Variants in TACC1 observed in about 807,000 individuals in gnomAD.
The protein encoded by TACC1 is transforming acidic coiled-coil-containing protein 1.
TACC1 carries 48 observed loss-of-function variants against 84.4 expected under a neutral mutation model. That is an observed-to-expected ratio of 0.57 (90% CI 0.45 to 0.72). TACC1 has a LOEUF of 0.72. Ranked by LOEUF, TACC1 falls within the 30% of genes least tolerant of loss-of-function variation. TACC1 has a pLI of 0.00. For missense variants in TACC1, 920 were observed against 973.0 expected (o/e 0.95, Z 0.72); for synonymous variants, 372 against 376.3 (o/e 0.99, Z 0.13).
intron 3 of TACC1, among the ~76,000 whole-genome samples, chr8:38,777,153 G>C (rs1814965511): frequency 6.6e-6 from 1 of 151,968 alleles, no homozygotes; most frequent in African/African-American, 2.4e-5. Context: ...CCACTCTGGA[G>C]GCTGAGACAG....
intron 3 of TACC1, among the ~76,000 whole-genome samples, chr8:38,752,686 AG>A (rs1809267475): frequency 6.6e-6 from 1 of 152,102 alleles, no homozygotes; most frequent in Non-Finnish European, 1.5e-5. Flanking sequence ...CTAACAAATA[AG>A]GGCTGCCTCC....
exon 2 of TACC1, chr8:38,742,380 C>T: frequency 1.3e-6 from 2 of 1,494,338 alleles, no homozygotes; most frequent in Non-Finnish European, 1.8e-6. Flanking sequence ...AGAGAGAGGT[C>T]CTGGTCTTGA....
rs1286002193 is a variant in TACC1, at chr8:38,775,012, A to G, written c.27-13692A>G. On this transcript the variant is annotated intron_variant, in intron 3 of 14. Transcript: ENST00000518415. ...GGTGACACGGTGAGACTCCGTCTCA[A>G]AAAAAAAAAAAAAAAAATGAAAACC... Among the ~76,000 whole-genome samples, 5 of 146,664 alleles carry G rather than the reference A, an allele frequency of 3.4e-5. No homozygotes were observed. In the South Asian group the frequency reaches 1.1e-3, roughly 31 times the overall value.
chr8:38,777,026 C>T (rs534548117), intron 3 of TACC1, among the ~76,000 whole-genome samples: 1 of 152,178 alleles, frequency 6.6e-6, no homozygotes, highest in African/African-American at 2.4e-5. Context: ...GAGGCTGAGG[C>T]AGGCGGACCA....
At chr8:38,818,184 C>G (rs1476846845) in intron 2 of TACC1, among the ~76,000 whole-genome samples, 1 of 143,788 alleles carries the variant, frequency 7.0e-6, no homozygotes, top group Non-Finnish European at 1.5e-5. Context: ...TGCAGTGAGC[C>G]ATGATCAGGC....
chr8:38,794,108 A>G (rs568095289), intron 2 of TACC1, among the ~76,000 whole-genome samples: 20 of 152,292 alleles, frequency 1.3e-4, no homozygotes, highest in African/African-American at 4.3e-4. Context: ...TCATATTTGC[A>G]AAGGGGAAGT....
chr8:38,837,497 C>T (rs575121780), intron 7 of TACC1, among the ~76,000 whole-genome samples: 1 of 152,284 alleles, frequency 6.6e-6, no homozygotes, highest in Admixed American at 6.5e-5. Flanking sequence ...ACAATTATAG[C>T]TCATTGCAGC....
At chr8:38,801,128 T>A (rs1667098286) in intron 2 of TACC1, among the ~76,000 whole-genome samples, 1 of 152,212 alleles carries the variant, frequency 6.6e-6, no homozygotes, top group Non-Finnish European at 1.5e-5. Flanking sequence ...AAGTTATATA[T>A]TCTAGATGCA....
intron 3 of TACC1, 25 bp from the exon 4 acceptor site, chr8:38,825,283 T>A: frequency 6.2e-7 from 1 of 1,613,714 alleles, no homozygotes; most frequent in South Asian, 1.1e-5. Context: ...GCAAACTGGC[T>A]TGTTTGTGTT....
At chr8:38,773,573 G>GCTATCTATCTAT (rs1563381430) in intron 3 of TACC1, among the ~76,000 whole-genome samples, 1 of 116,406 alleles carries the variant, frequency 8.6e-6, no homozygotes, top group Non-Finnish European at 2.1e-5. Flanking sequence ...TATCTATCTA[G>GCTATCTATCTAT]CTAGCTATCT....
chr8:38,791,719 C>T (rs1377870850), intron 2 of TACC1, among the ~76,000 whole-genome samples: 2 of 152,010 alleles, frequency 1.3e-5, no homozygotes, highest in Admixed American at 6.6e-5. Flanking sequence ...ATGGTTGGAC[C>T]GCAGTTATAA....
At chr8:38,825,811 T>A (rs36029398) in intron 4 of TACC1, among the ~76,000 whole-genome samples, 1 of 152,234 alleles carries the variant, frequency 6.6e-6, no homozygotes, top group East Asian at 1.9e-4. Flanking sequence ...GATGGTAGAT[T>A]TTTTTGGGCA....
chr8:38,840,710 G>T, intron 9 of TACC1: 1 of 154,610 alleles, frequency 6.5e-6, no homozygotes, highest in South Asian at 2.0e-4. Flanking sequence ...ATTCGTGGGA[G>T]GTATGTTCTG....
At chr8:38,811,783 G>A (rs1824215090) in intron 2 of TACC1, among the ~76,000 whole-genome samples, 1 of 152,176 alleles carries the variant, frequency 6.6e-6, no homozygotes, top group Non-Finnish European at 1.5e-5. Context: ...CAGAATAACA[G>A]CGATTTTCCG....
At chr8:38,734,158 G>A (rs1397253654) in intron 1 of TACC1, among the ~76,000 whole-genome samples, 1 of 152,102 alleles carries the variant, frequency 6.6e-6, no homozygotes, top group East Asian at 1.9e-4. Context: ...AGGCAATGAA[G>A]ATACCAGATA....
At chr8:38,775,146 T>TGA (rs1814572746) in intron 3 of TACC1, among the ~76,000 whole-genome samples, 1 of 152,202 alleles carries the variant, frequency 6.6e-6, no homozygotes, top group Non-Finnish European at 1.5e-5. Flanking sequence ...CATATCTCTA[T>TGA]TATACATACC....
At chr8:38,734,019 T>C (rs1805484974) in intron 1 of TACC1, among the ~76,000 whole-genome samples, 1 of 151,998 alleles carries the variant, frequency 6.6e-6, no homozygotes, top group Non-Finnish European at 1.5e-5. Flanking sequence ...TTGCGCAGGG[T>C]CCTAGTTTAA....
At chr8:38,743,399 G>T (rs1807464120) in intron 2 of TACC1, among the ~76,000 whole-genome samples, 1 of 152,314 alleles carries the variant, frequency 6.6e-6, no homozygotes, top group Non-Finnish European at 1.5e-5. Flanking sequence ...ATGTATTTGG[G>T]ACAGGGGATG....
intron 3 of TACC1, among the ~76,000 whole-genome samples, chr8:38,772,408 T>G (rs1813814834): frequency 6.6e-6 from 1 of 152,244 alleles, no homozygotes; most frequent in Non-Finnish European, 1.5e-5. Flanking sequence ...TGTGAAAAGA[T>G]GCATATGCAT....
Sources: gnomAD v4.1 joint callset for allele counts (sites outside exome capture counted in the v4.1 genomes callset) on GRCh38, gnomAD v4.1.1 for gene constraint, MANE v1.5 for transcripts, NCBI Gene and HGNC (gene_info 2026-07-23, HGNC 2026-07-21) for gene names.